COL21A1: variants seen among roughly 807,000 people sequenced by gnomAD.
COL21A1 encodes the protein collagen alpha-1(XXI) chain.
Under a neutral mutation model 137.9 loss-of-function variants are expected in COL21A1, and 149 were observed. The observed-to-expected ratio is 1.08, with a 90% CI of 0.95 to 1.24. The LOEUF is 1.24. COL21A1 is among the 50% of genes most tolerant of loss of function. The pLI, the probability that COL21A1 is intolerant of heterozygous loss-of-function variation, is 0.00. For missense variants in COL21A1, 1,167 were observed against 1,158.4 expected, an observed-to-expected ratio of 1.01 and a Z score of -0.11; for synonymous variants, 456 against 391.5, an observed-to-expected ratio of 1.16 and a Z score of -1.95.
intron 17 of COL21A1, among the ~76,000 whole-genome samples, chr6:56,091,906 T>C (rs1768855016): frequency 6.6e-6 from 1 of 152,184 alleles, no homozygotes. Flanking sequence ...ATTCTACTGT[T>C]GCCCTCATGT....
chr6:56,254,810 C>A (rs1782928615), intron 1 of COL21A1, among the ~76,000 whole-genome samples: 1 of 152,156 alleles, frequency 6.6e-6, no homozygotes, highest in African/African-American at 2.4e-5. Context: ...GGTAATTTTT[C>A]ATGAAGAAAA....
At chr6:56,392,892 G>A (rs1036759482) in intron 1 of COL21A1, among the ~76,000 whole-genome samples, 9 of 151,948 alleles carry the variant, frequency 5.9e-5, no homozygotes, top group African/African-American at 2.2e-4. Context: ...TAGAGAAGAA[G>A]AATCAATATT....
chr6:56,064,146 T>C (rs1269134500), intron 24 of COL21A1, among the ~76,000 whole-genome samples: 2 of 152,010 alleles, frequency 1.3e-5, no homozygotes, highest in East Asian at 3.9e-4. Flanking sequence ...CAGTAAATTG[T>C]CTCTCTGAAC....
intron 1 of COL21A1, among the ~76,000 whole-genome samples, chr6:56,239,319 A>G (rs1782113230): frequency 6.6e-6 from 1 of 152,202 alleles, no homozygotes; most frequent in African/African-American, 2.4e-5. Flanking sequence ...AGGAATTTGA[A>G]ATTATAATTC....
intron 16 of COL21A1, 62 bp downstream of exon 16, chr6:56,123,998 TTA>T (rs79136515): frequency 0.14 from 188,798 of 1,347,488 alleles, 13,947 homozygotes; most frequent in Middle Eastern, 0.17. Context: ...TACATTTTTC[TTA>T]TGTTTCCTCT....
At chr6:56,151,337 A>C (rs1775308646) in intron 10 of COL21A1, among the ~76,000 whole-genome samples, 1 of 152,222 alleles carries the variant, frequency 6.6e-6, no homozygotes, top group Non-Finnish European at 1.5e-5. Context: ...TGCTATTTCC[A>C]CATATGGCCT....
chr6:56,190,271 C>T (rs1323774684), intron 1 of COL21A1, among the ~76,000 whole-genome samples: 1 of 152,172 alleles, frequency 6.6e-6, no homozygotes, highest in Non-Finnish European at 1.5e-5. Flanking sequence ...CACCACTGAT[C>T]TCACAGAAAT....
chr6:56,114,009 T>A lies in COL21A1; in HGVS notation c.1758+10053A>T, dbSNP rs79853108. On this transcript the variant is annotated intron_variant, in intron 16 of 29. Coordinates refer to ENST00000244728, the MANE Select transcript of COL21A1 (RefSeq NM_030820.4). Reference sequence around the variant, plus strand: ...AAGGAGAGAAAAAAGTGAGAAGGACTGCGTCTTGTGGTTTAAGTGCCAGCT... The same window carrying A: ...AAGGAGAGAAAAAAGTGAGAAGGACAGCGTCTTGTGGTTTAAGTGCCAGCT... Among the ~76,000 whole-genome samples, 1,237 of 152,316 alleles carry A rather than the reference T, an allele frequency of 8.1e-3. 19 individuals carry two copies. The highest frequency in any genetic ancestry group is 0.029 in the African/African-American group (1,192 of 41,568).
At chr6:56,130,461 A>G (rs1254361612) in intron 12 of COL21A1, among the ~76,000 whole-genome samples, 1 of 151,882 alleles carries the variant, frequency 6.6e-6, no homozygotes, top group East Asian at 1.9e-4. Context: ...TAGCTGGGTA[A>G]TGAATGTTTA....
At chr6:56,352,047 T>G (rs1765721892) in intron 1 of COL21A1, among the ~76,000 whole-genome samples, 1 of 152,098 alleles carries the variant, frequency 6.6e-6, no homozygotes, top group Admixed American at 6.5e-5. Context: ...GGCAGAAAGA[T>G]CATTGGAGCT....
chr6:56,120,883 G>A (rs985608734), intron 16 of COL21A1, among the ~76,000 whole-genome samples: 3 of 151,904 alleles, frequency 2.0e-5, no homozygotes, highest in Admixed American at 6.6e-5. Context: ...AAGAAGAAAG[G>A]AAATCAGCAT....
intron 1 of COL21A1, among the ~76,000 whole-genome samples, chr6:56,295,739 T>C (rs531656546): frequency 3.3e-5 from 5 of 150,240 alleles, no homozygotes; most frequent in Non-Finnish European, 7.5e-5. Context: ...TTTCAATTAT[T>C]CATTCCTGGT....
chr6:56,152,302 G>A (rs551423439), intron 10 of COL21A1, among the ~76,000 whole-genome samples: 5 of 152,156 alleles, frequency 3.3e-5, no homozygotes, highest in African/African-American at 9.6e-5. Context: ...AAAGACTTTT[G>A]TGTTTATATC....
At chr6:56,383,114 G>A (rs1344857537) in intron 1 of COL21A1, among the ~76,000 whole-genome samples, 1 of 152,134 alleles carries the variant, frequency 6.6e-6, no homozygotes, top group Non-Finnish European at 1.5e-5. Flanking sequence ...TAAACAATAA[G>A]AATATACTTT....
intron 1 of COL21A1, among the ~76,000 whole-genome samples, chr6:56,348,804 CCCAA>C (rs1765647371): frequency 6.6e-6 from 1 of 152,208 alleles, no homozygotes; most frequent in African/African-American, 2.4e-5. Context: ...TGGGATCTTT[CCCAA>C]TCCTATATAA....
intron 17 of COL21A1, among the ~76,000 whole-genome samples, chr6:56,098,636 T>A (rs1383671686): frequency 6.9e-4 from 17 of 24,508 alleles, no homozygotes; most frequent in African/African-American, 1.3e-3. Context: ...AATATATATA[T>A]AAATATATAT....
At chr6:56,368,330 C>G (rs1766147412) in intron 1 of COL21A1, among the ~76,000 whole-genome samples, 1 of 152,126 alleles carries the variant, frequency 6.6e-6, no homozygotes, top group Admixed American at 6.6e-5. Flanking sequence ...AATTTTAAAT[C>G]TCTGCACCTA....
chr6:56,082,883 G>A (rs192015660), intron 17 of COL21A1, among the ~76,000 whole-genome samples: 1 of 151,728 alleles, frequency 6.6e-6, no homozygotes, highest in Non-Finnish European at 1.5e-5. Flanking sequence ...TTTGAAATGT[G>A]TATGCTATTC....
chr6:56,276,612 G>A (rs1357238871), intron 1 of COL21A1: 1 of 1,435,202 alleles, frequency 7.0e-7, no homozygotes, highest in East Asian at 2.3e-5. Context: ...TATTCTGGCA[G>A]AAGTTTATAT....
Sources: gnomAD v4.1 joint callset for allele counts (sites outside exome capture counted in the v4.1 genomes callset) on GRCh38, gnomAD v4.1.1 for gene constraint, MANE v1.5 for transcripts, NCBI Gene and HGNC (gene_info 2026-07-23, HGNC 2026-07-21) for gene names.